The following PPFIA3 variants were observed in gnomAD, a reference collection of about 807,000 sequenced individuals.
PPFIA3 encodes the protein PPFI scaffold protein A3, also known as liprin-alpha-3.
Under a neutral mutation model 145.8 loss-of-function variants are expected in PPFIA3, and 26 were observed. That is an observed-to-expected ratio of 0.18 (90% CI 0.13 to 0.25). PPFIA3 has a LOEUF of 0.25. Among genes scored for constraint, PPFIA3 ranks in the 10% least tolerant of loss-of-function variants. The pLI is 1.00. For missense variants in PPFIA3, 1,008 were observed against 1,587.8 expected (o/e 0.63, Z 6.21); for synonymous variants, 645 against 661.4 (o/e 0.98, Z 0.38).
chr19:49,127,447 A>G (rs1423470025), intron 1 of PPFIA3, among the ~76,000 whole-genome samples: 1 of 150,680 alleles, frequency 6.6e-6, no homozygotes, highest in Non-Finnish European at 1.5e-5. Flanking sequence ...GAAAAGAAAA[A>G]AATTAGCCAG....
chr19:49,138,157 G>T (rs188025384), intron 15 of PPFIA3, 48 bp from the exon 16 acceptor site: 2 of 1,497,174 alleles, frequency 1.3e-6, no homozygotes, highest in Non-Finnish European at 9.0e-7. Flanking sequence ...TCCCTCTCCC[G>T]CTGTCTGCTG....
At chr19:49,127,828 C>A in intron 1 of PPFIA3, 31 bp from the exon 2 acceptor site, 1 of 1,580,518 alleles carries the variant, frequency 6.3e-7, no homozygotes, top group South Asian at 1.1e-5. Context: ...TTGACAAGGC[C>A]GGTCTGTTCC....
intron 1 of PPFIA3, among the ~76,000 whole-genome samples, chr19:49,121,495 G>C (rs2040935637): frequency 6.6e-6 from 1 of 151,860 alleles, no homozygotes; most frequent in Non-Finnish European, 1.5e-5. Context: ...AAATTTTTTT[G>C]GCCAGGCGCG....
chr19:49,141,329 G>A, intron 18 of PPFIA3, 91 bp from the exon 19 acceptor site: 1 of 961,960 alleles, frequency 1.0e-6, no homozygotes, highest in Non-Finnish European at 1.6e-6. Flanking sequence ...CAGGGCCTCT[G>A]CCTTTCCGGC....
chr19:49,148,336 ATGG>A, intron 24 of PPFIA3, 78 bp downstream of exon 24: 1 of 1,457,064 alleles, frequency 6.9e-7, no homozygotes, highest in Non-Finnish European at 9.2e-7. Context: ...AGGATTGGCC[ATGG>A]GAGATTCCCA....
intron 18 of PPFIA3, among the ~76,000 whole-genome samples, chr19:49,140,537 GA>G (rs1399462418): frequency 6.7e-6 from 1 of 149,780 alleles, no homozygotes; most frequent in African/African-American, 2.5e-5. Context: ...TTTTAGTAGA[GA>G]TAGGGTTTCC....
intron 13 of PPFIA3, 117 bp downstream of exon 13, chr19:49,135,032 G>GTTTTTT (rs34021245): frequency 4.1e-5 from 27 of 662,620 alleles, no homozygotes; most frequent in South Asian, 1.8e-4. Context: ...CTCTGTTTTT[G>GTTTTTT]TTTTTTGTTT....
Position 49,149,706 on chromosome 19 carries a change from C to T in PPFIA3, c.3514C>T (p.Leu1172=). 1 of 1,609,658 alleles carries T rather than the reference C, an allele frequency of 6.2e-7. No homozygotes were observed. The highest frequency in any genetic ancestry group is 8.5e-7 in the Non-Finnish European group (1 of 1,177,750). Residue 1172 remains leucine (L), a synonymous_variant, in exon 28 of 30, where the codon CTG becomes TTG. Coordinates refer to ENST00000334186, the MANE Select transcript of PPFIA3 (RefSeq NM_003660.4). This position sits in a 1 kb window ranked among gnomAD's most constrained non-coding sequence, Gnocchi z 5.7. ...CTCTCCGGGGCTCCCTCTCCGCAAG[C>T]TGCAGCCAGAAGGTGGGGGGCTCCC... ...LGSPGLPLRK[L]QPEGQTSGSS...
rs534001439 is a variant in PPFIA3, at chr19:49,138,621, T to C, written c.2076+194T>C. Among the ~76,000 whole-genome samples the C allele has an allele frequency of 1.8e-4, 27 of 152,338 alleles. No homozygotes were observed. The South Asian group carries it at 5.6e-3, about 32-fold the overall frequency. ...GGATCTTGAACCCTAACTTTCACTT[T>C]AGTCAGATCTGGTCTACTTTTATTT... is the stretch of plus-strand genomic sequence containing the variant. On this transcript the variant is annotated intron_variant, in intron 16 of 29. Coordinates refer to ENST00000334186, the MANE Select transcript of PPFIA3 (RefSeq NM_003660.4).
intron 1 of PPFIA3, chr19:49,125,380 G>C (rs1304153129): frequency 6.6e-6 from 1 of 152,404 alleles, no homozygotes; most frequent in African/African-American, 2.4e-5. Flanking sequence ...AGAAGGAAAA[G>C]AAGGAACTGA....
chr19:49,145,668 G>A (rs2041271803), intron 21 of PPFIA3: 1 of 491,232 alleles, frequency 2.0e-6, no homozygotes, highest in Non-Finnish European at 3.7e-6. Context: ...ACCTCTGTGT[G>A]AGGTCAGCGA....
At chr19:49,129,493 G>A (rs2122551605) in intron 5 of PPFIA3, 39 bp downstream of exon 5, 2 of 1,548,684 alleles carry the variant, frequency 1.3e-6, no homozygotes, top group Non-Finnish European at 1.7e-6. Flanking sequence ...GAATCCAAGG[G>A]GAGGGGCTAA....
At chr19:49,132,959 C>A in intron 7 of PPFIA3, 42 bp from the exon 8 acceptor site, 1 of 1,591,738 alleles carries the variant, frequency 6.3e-7, no homozygotes, top group Non-Finnish European at 8.5e-7. Flanking sequence ...GTCCTCTCCC[C>A]CAGGGGCTCG....
rs1304011927 is a variant in PPFIA3 at position 49,120,781 on chromosome 19, C to T, written c.-16+1059C>T. 6.6e-6 allele frequency among the ~76,000 whole-genome samples: 1 copy of T among 152,196 alleles called. No homozygotes were observed. Among genetic ancestry groups the T allele is most frequent in the African/African-American group, 2.4e-5 (1 of 41,458 alleles). On this transcript the variant is annotated intron_variant, in intron 1 of 29. Coordinates refer to ENST00000334186, the MANE Select transcript of PPFIA3 (RefSeq NM_003660.4). This position sits in a 1 kb window ranked among gnomAD's most constrained non-coding sequence, Gnocchi z 4.6. The stretch of plus-strand genomic sequence containing the variant: ...TGTCTTGGTCCCAGTCTCCTATCCC[C>T]TCAGGGACCCAGGAGTTCAGACCCC...
At chr19:49,125,066 CA>C (rs879668749) in intron 1 of PPFIA3, among the ~76,000 whole-genome samples, 85 of 144,382 alleles carry the variant, frequency 5.9e-4, no homozygotes, top group East Asian at 4.8e-3. Context: ...GACTCCGTCT[CA>C]AAAAAAAAAA....
At chr19:49,146,223 T>C (rs781321491) in intron 23 of PPFIA3, 31 bp downstream of exon 23, 1 of 1,610,968 alleles carries the variant, frequency 6.2e-7, no homozygotes, top group Non-Finnish European at 8.5e-7. Context: ...CGTGAGCGCA[T>C]GAACAGGCTG....
At chr19:49,125,704 G>A (rs1568433304) in intron 1 of PPFIA3, among the ~76,000 whole-genome samples, 1 of 152,136 alleles carries the variant, frequency 6.6e-6, no homozygotes, top group Non-Finnish European at 1.5e-5. Context: ...CGAGGAAGCT[G>A]AGAGCCCAGA....
intron 18 of PPFIA3, among the ~76,000 whole-genome samples, chr19:49,140,981 T>C (rs1256030036): frequency 1.3e-5 from 2 of 151,888 alleles, no homozygotes; most frequent in Non-Finnish European, 2.9e-5. Flanking sequence ...AGGAAGAGGG[T>C]GGGGCATCCT....
At chr19:49,124,295 G>A (rs1182668118) in intron 1 of PPFIA3, among the ~76,000 whole-genome samples, 1 of 151,926 alleles carries the variant, frequency 6.6e-6, no homozygotes, top group Non-Finnish European at 1.5e-5. Context: ...CTGGGCTCGA[G>A]TGATCCTCCC....
Sources: gnomAD v4.1 joint callset for allele counts (sites outside exome capture counted in the v4.1 genomes callset) on GRCh38, gnomAD v4.1.1 for gene constraint, Gnocchi (gnomAD v3.1) non-coding constraint, MANE v1.5 for transcripts, NCBI Gene and HGNC (gene_info 2026-07-23, HGNC 2026-07-21) for gene names.